PPP2R2A: variants seen among roughly 807,000 people sequenced by gnomAD.
PPP2R2A encodes the protein serine/threonine-protein phosphatase 2A 55 kDa regulatory subunit B alpha isoform.
A neutral mutation model predicts 53.2 loss-of-function variants in PPP2R2A; 9 were observed. The ratio of observed to expected loss-of-function variants is 0.17; its 90% CI spans 0.10 to 0.30. The LOEUF (loss-of-function observed/expected upper bound fraction) is 0.30, where lower values mean the gene tolerates loss of function less well. PPP2R2A is among the 10% of genes least tolerant of loss of function. The probability of loss-of-function intolerance (pLI) is 1.00; values close to 1 mark genes in which losing one functional copy is unlikely to be tolerated. For missense variants in PPP2R2A, 235 were observed against 534.6 expected, an observed-to-expected ratio of 0.44 and a Z score of 5.53; for synonymous variants, 169 against 174.2, an observed-to-expected ratio of 0.97 and a Z score of 0.23.
intron 3 of PPP2R2A, among the ~76,000 whole-genome samples, chr8:26,342,805 C>T (rs1563311171): frequency 6.6e-6 from 1 of 152,132 alleles, no homozygotes; most frequent in East Asian, 1.9e-4. Flanking sequence ...CCTTAAAAAG[C>T]ATGCTTTTCA....
chr8:26,360,266 A>G lies in PPP2R2A; in HGVS notation c.444A>G (p.Thr148=). 1 of 1,596,062 alleles carries G rather than the reference A, an allele frequency of 6.3e-7. No homozygotes were observed. The stretch of plus-strand genomic sequence containing the variant: ...ATGGAAGGTATAGAGATCCTACTAC[A>G]GTTACTACACTACGAGTAAGTACAT... ...EEDGRYRDPT[T]VTTLRVPVFR... is the part of the protein sequence containing the mutation. Residue 148 remains threonine, a synonymous_variant, in exon 5 of 10, where the codon ACA becomes ACG. Transcript: ENST00000380737. The surrounding 1 kb of genome is among the most constrained non-coding windows in gnomAD (Gnocchi z 4.5).
chr8:26,369,614 G>A (rs1227083698), intron 9 of PPP2R2A, among the ~76,000 whole-genome samples: 1 of 152,118 alleles, frequency 6.6e-6, no homozygotes, highest in Non-Finnish European at 1.5e-5. Context: ...GAATGGTCTC[G>A]ATCTCCTGAC....
chr8:26,333,523 G>C, intron 2 of PPP2R2A: 3 of 1,222,916 alleles, frequency 2.5e-6, no homozygotes, highest in Non-Finnish European at 3.2e-6. Flanking sequence ...GTGGAATTAT[G>C]AAATCAAAGA....
chr8:26,324,193 C>T (rs1802976799), intron 2 of PPP2R2A, among the ~76,000 whole-genome samples: 1 of 152,198 alleles, frequency 6.6e-6, no homozygotes, highest in African/African-American at 2.4e-5. Context: ...TTGGTTTCTG[C>T]CTAAGTCACC....
intron 4 of PPP2R2A, chr8:26,359,101 G>T: frequency 3.2e-6 from 1 of 312,768 alleles, no homozygotes; most frequent in Middle Eastern, 4.0e-4. Context: ...TCTCTGTTCT[G>T]TTCCTAAAAA....
rs1207739648 is a variant in PPP2R2A at position 26,354,481 on chromosome 8, C to T, written c.194C>T (p.Ser65Phe). ...TTTTCATTTTAGAACAAAATCCAGT[C>T]TCATAGCAGAGGAGAATATAATGTT... is the stretch of plus-strand genomic sequence containing the variant. The part of the protein sequence containing the change: ...FQQEQENKIQ[S>F]HSRGEYNVYS... Residue 65 changes from serine (S) to phenylalanine (F), a missense_variant, in exon 4 of 10, where the codon TCT becomes TTT. By Grantham distance (155) the Ser-to-Phe change is radical (BLOSUM62 -2). This residue lies in a region of PPP2R2A where 51 missense variants were observed against 80.6 expected (regional missense o/e 0.63). Coordinates refer to ENST00000380737, the MANE Select transcript of PPP2R2A (RefSeq NM_002717.4). The surrounding 1 kb of genome is among the most constrained non-coding windows in gnomAD (Gnocchi z 4.6). 1.9e-6 allele frequency: 3 copies of T among 1,549,648 alleles called. No individual in the cohort carries two copies. Among genetic ancestry groups the T allele is most frequent in the Admixed American group, 1.9e-5 (1 of 52,454 alleles).
intron 2 of PPP2R2A, among the ~76,000 whole-genome samples, chr8:26,313,468 C>T (rs925815598): frequency 1.3e-5 from 2 of 152,174 alleles, no homozygotes; most frequent in African/African-American, 4.8e-5. Flanking sequence ...TGTTGTTACA[C>T]TGTGTTGATT....
chr8:26,367,093 A>G (rs1805414480), intron 9 of PPP2R2A, among the ~76,000 whole-genome samples: 1 of 152,212 alleles, frequency 6.6e-6, no homozygotes, highest in Non-Finnish European at 1.5e-5. Context: ...TACTTCAACA[A>G]CAGTTTTATC....
At chr8:26,342,118 G>T (rs1022889184) in intron 3 of PPP2R2A, among the ~76,000 whole-genome samples, 2 of 152,148 alleles carry the variant, frequency 1.3e-5, no homozygotes, top group Non-Finnish European at 2.9e-5. Flanking sequence ...TAATATATTT[G>T]TATAGGTATT....
chr8:26,323,522 C>T (rs541647108), intron 2 of PPP2R2A, among the ~76,000 whole-genome samples: 1 of 152,304 alleles, frequency 6.6e-6, no homozygotes, highest in South Asian at 2.1e-4. Context: ...AGTGGCCATA[C>T]ATAGAGGTTA....
Position 26,360,276 on chromosome 8 carries a change from C to T in PPP2R2A, c.454C>T (p.Leu152=). ...TAGAGATCCTACTACAGTTACTACA[C>T]TACGAGTAAGTACATAAGAAAAAAA... ...RYRDPTTVTT[L]RVPVFRPMDL... is the part of the protein sequence containing the mutation. The change falls in exon 5 of 10, where the codon CTA becomes TTA. Residue 152 remains leucine, a synonymous_variant. Coordinates refer to ENST00000380737, the MANE Select transcript of PPP2R2A (RefSeq NM_002717.4). This position sits in a 1 kb window ranked among gnomAD's most constrained non-coding sequence, Gnocchi z 4.5. The T allele has an allele frequency of 6.3e-7, 1 of 1,575,902 alleles. No homozygotes were observed. The highest frequency in any genetic ancestry group is 8.7e-7 in the Non-Finnish European group (1 of 1,149,800).
Position 26,354,672 on chromosome 8 carries a change from G to A in PPP2R2A, c.346+39G>A. 2 of 1,479,282 alleles carry A rather than the reference G, an allele frequency of 1.4e-6. No individual in the cohort carries two copies. Among genetic ancestry groups the A allele is most frequent in the Non-Finnish European group, 1.8e-6 (2 of 1,102,010 alleles). The allele number at this position is 1,479,282 out of a possible 1,614,324, so 91.6% of individuals were successfully genotyped here. On this transcript the variant is annotated intron_variant, in intron 4 of 9. Transcript: ENST00000380737. This position sits in a 1 kb window ranked among gnomAD's most constrained non-coding sequence, Gnocchi z 4.6. ...TTTTCTTTCCATGTGCCCACTGTGT[G>A]TACCTGTTGCACATATCCTGTAGCC...
Position 26,362,081 on chromosome 8 carries a change from TTAA to T in PPP2R2A, c.638-598_638-596del, listed in dbSNP as rs1267339383. 6.6e-6 allele frequency among the ~76,000 whole-genome samples: 1 copy of T among 150,402 alleles called. No homozygotes were observed. The highest frequency in any genetic ancestry group is 2.4e-5 in the African/African-American group (1 of 41,086). ...GATTAATTTTAAGATTAGAAAAAGA[TTAA>T]TAATTAGATTAGATTAGAAAAAGAT... On this transcript the variant is annotated intron_variant, in intron 6 of 9. Transcript: ENST00000380737. The surrounding 1 kb of genome is among the most constrained non-coding windows in gnomAD (Gnocchi z 4.4).
intron 2 of PPP2R2A, among the ~76,000 whole-genome samples, chr8:26,312,661 A>T (rs1041271772): frequency 1.3e-5 from 2 of 152,220 alleles, no homozygotes; most frequent in African/African-American, 4.8e-5. Context: ...TCTAGTTGTT[A>T]CTTTAAATTT....
rs147359197 is a variant in PPP2R2A at position 26,352,076 on chromosome 8, A to T, written c.181-2392A>T. Among the ~76,000 whole-genome samples, 393 of 152,350 alleles carry T rather than the reference A, an allele frequency of 2.6e-3. 3 individuals carry two copies. Among genetic ancestry groups the T allele is most frequent in the African/African-American group, 9.0e-3 (374 of 41,590 alleles). ...TTGTATGGTTAGGAAGATGATTCTC[A>T]TAGTGATCATAAAGGCAAGCAAGAA... On this transcript the variant is annotated intron_variant, in intron 3 of 9. Coordinates refer to ENST00000380737, the MANE Select transcript of PPP2R2A (RefSeq NM_002717.4).
chr8:26,362,968 C>CT lies in PPP2R2A; in HGVS notation c.802+122dup. The CT allele has an allele frequency of 1.1e-6, 1 of 902,714 alleles. No individual in the cohort carries two copies. The highest frequency in any genetic ancestry group is 1.7e-6 in the Non-Finnish European group (1 of 605,190). The allele number at this position is 902,714 out of a possible 1,614,324, so 55.9% of individuals were successfully genotyped here. Reference sequence around the variant, plus strand: ...TCTTAAACCCGTGTGTCCAGAGCCACTTGTACCCTTGGTAATCTGCCTACC... The same window carrying CT: ...TCTTAAACCCGTGTGTCCAGAGCCACTTTGTACCCTTGGTAATCTGCCTACC... On this transcript the variant is annotated intron_variant, in intron 7 of 9. Coordinates refer to ENST00000380737, the MANE Select transcript of PPP2R2A (RefSeq NM_002717.4). The surrounding 1 kb of genome is among the most constrained non-coding windows in gnomAD (Gnocchi z 4.4).
At chr8:26,364,482 G>T (rs1805267235) in intron 8 of PPP2R2A, among the ~76,000 whole-genome samples, 1 of 152,168 alleles carries the variant, frequency 6.6e-6, no homozygotes, top group East Asian at 1.9e-4. Context: ...TCAAACAGAA[G>T]AGAATGAAGT....
intron 2 of PPP2R2A, among the ~76,000 whole-genome samples, chr8:26,316,311 G>A (rs1339207890): frequency 1.3e-5 from 2 of 152,098 alleles, no homozygotes; most frequent in East Asian, 1.9e-4. Flanking sequence ...CCCAGCTTGT[G>A]TACTGTTTTT....
intron 1 of PPP2R2A, chr8:26,293,396 C>T (rs1345251160): frequency 8.9e-6 from 8 of 893,988 alleles, no homozygotes; most frequent in African/African-American, 1.7e-5. Context: ...AAGGCTTTTA[C>T]TGTATTTGAC....
Sources: allele counts gnomAD v4.1 joint callset (sites outside exome capture counted in the v4.1 genomes callset), GRCh38; gene constraint gnomAD v4.1.1; regional missense constraint gnomAD v4.1.1; non-coding constraint Gnocchi (gnomAD v3.1); transcripts MANE v1.5; gene names NCBI Gene and HGNC (gene_info 2026-07-23, HGNC 2026-07-21).